Variants in UBA6 observed in about 807,000 individuals in gnomAD.
UBA6 encodes ubiquitin-like modifier-activating enzyme 6.
Under a neutral mutation model 148.3 loss-of-function variants are expected in UBA6, and 87 were observed. The observed-to-expected ratio is 0.59, with a 90% CI of 0.49 to 0.70. UBA6 has a LOEUF of 0.70. Ranked by LOEUF, UBA6 falls within the 30% of genes least tolerant of loss-of-function variation. The pLI, the probability that UBA6 is intolerant of heterozygous loss-of-function variation, is 0.00. For missense variants in UBA6, 1,186 were observed against 1,241.2 expected (o/e 0.96, Z 0.67); for synonymous variants, 376 against 401.0 (o/e 0.94, Z 0.75).
At position 67,678,433 on chromosome 4, in the gene UBA6, C is replaced by G; in HGVS notation, c.353+6G>C. The G allele has an allele frequency of 6.5e-7, 1 of 1,545,546 alleles. No homozygotes were observed. ...AACTCATGATAATACATCAAAATAT[C>G]TTTACCTGTTTCTCTTATTAACAAC... On this transcript the variant is annotated splice_donor_region_variant and intron_variant, in intron 5 of 32. Coordinates refer to ENST00000322244, the MANE Select transcript of UBA6 (RefSeq NM_018227.6).
chr4:67,686,994 A>G (rs1381255331), intron 2 of UBA6, among the ~76,000 whole-genome samples: 1 of 146,096 alleles, frequency 6.8e-6, no homozygotes, highest in Non-Finnish European at 1.5e-5. Flanking sequence ...AAAAAAATCA[A>G]AAACAACCTA....
rs185667471 is a variant in UBA6 at position 67,668,545 on chromosome 4, A to T, written c.793+6T>A. 1.1e-5 allele frequency: 18 copies of T among 1,607,630 alleles called. No homozygotes were observed. Among genetic ancestry groups the T allele is most frequent in the Non-Finnish European group, 1.4e-5 (17 of 1,176,236 alleles). On this transcript the variant is annotated splice_donor_region_variant and intron_variant, in intron 9 of 32. Transcript: ENST00000322244. ...ATAAATGAATTAATAAAACACATTG[A>T]CTTACCCGTTATTTGTTGTATAGAT...
At chr4:67,675,244 T>C (rs1376223335) in intron 6 of UBA6, among the ~76,000 whole-genome samples, 1 of 152,242 alleles carries the variant, frequency 6.6e-6, no homozygotes, top group African/African-American at 2.4e-5. Context: ...GTTTAATCTA[T>C]CCACTGAATT....
At chr4:67,675,010 C>T (rs574221805) in intron 6 of UBA6, among the ~76,000 whole-genome samples, 8 of 152,194 alleles carry the variant, frequency 5.3e-5, no homozygotes, top group Non-Finnish European at 1.2e-4. Flanking sequence ...GCTGGGATTA[C>T]AGGCACATGC....
chr4:67,626,007 C>T (rs895681059), intron 28 of UBA6, among the ~76,000 whole-genome samples: 5 of 151,776 alleles, frequency 3.3e-5, no homozygotes. Flanking sequence ...GATTAGTTTC[C>T]ACAAGGACCC....
intron 32 of UBA6, among the ~76,000 whole-genome samples, chr4:67,622,495 A>C (rs1262528710): frequency 6.6e-6 from 1 of 152,240 alleles, no homozygotes; most frequent in Non-Finnish European, 1.5e-5. Context: ...CTGGCACCTT[A>C]AACAATAATT....
intron 29 of UBA6, 85 bp downstream of exon 29, chr4:67,624,909 C>G (rs1270325776): frequency 2.7e-6 from 3 of 1,128,624 alleles, no homozygotes; most frequent in East Asian, 4.8e-5. Context: ...TCTAACATCT[C>G]TGAGTGACTG....
intron 2 of UBA6, among the ~76,000 whole-genome samples, chr4:67,694,538 C>T (rs1371447484): frequency 6.8e-6 from 1 of 146,558 alleles, no homozygotes; most frequent in South Asian, 2.1e-4. Context: ...ATTACAGGCG[C>T]CCGCCACCGC....
chr4:67,635,365 G>A (rs916088289), intron 20 of UBA6, 88 bp downstream of exon 20: 1 of 786,280 alleles, frequency 1.3e-6, no homozygotes, highest in South Asian at 1.7e-5. Flanking sequence ...AAATCAGAAG[G>A]ATTAGGAAAG....
intron 27 of UBA6, among the ~76,000 whole-genome samples, chr4:67,627,645 T>G (rs1181487276): frequency 6.6e-6 from 1 of 151,896 alleles, no homozygotes; most frequent in Non-Finnish European, 1.5e-5. Flanking sequence ...ATAAACATTG[T>G]GTTCTGCAAA....
chr4:67,637,549 AAAG>A (rs1577799015), intron 19 of UBA6, among the ~76,000 whole-genome samples: 1 of 152,206 alleles, frequency 6.6e-6, no homozygotes, highest in Non-Finnish European at 1.5e-5. Context: ...GTCTGTGTAG[AAAG>A]AAGTAGACAT....
chr4:67,625,643 A>T (rs970285245), intron 28 of UBA6, among the ~76,000 whole-genome samples: 6 of 151,946 alleles, frequency 3.9e-5, no homozygotes, highest in African/African-American at 1.4e-4. Context: ...TAATTTCTGA[A>T]ATCTTTGTAG....
chr4:67,673,060 T>C (rs956007913), intron 7 of UBA6, among the ~76,000 whole-genome samples: 3 of 152,306 alleles, frequency 2.0e-5, no homozygotes, highest in South Asian at 2.1e-4. Context: ...CTCTATTCAC[T>C]AATGTATTTC....
intron 13 of UBA6, 84 bp downstream of exon 13, chr4:67,662,105 G>A (rs1729872604): frequency 3.0e-6 from 4 of 1,327,360 alleles, no homozygotes; most frequent in Non-Finnish European, 4.3e-6. Flanking sequence ...AAAGCTGGAT[G>A]TGAAGGATAA....
chr4:67,692,076 T>C (rs1401766327), intron 2 of UBA6, among the ~76,000 whole-genome samples: 2 of 152,272 alleles, frequency 1.3e-5, no homozygotes, highest in South Asian at 4.1e-4. Flanking sequence ...CTTAAGTTCT[T>C]TAGTGGTGAT....
chr4:67,656,006 A>G (rs2109926629), intron 13 of UBA6, among the ~76,000 whole-genome samples: 1 of 152,364 alleles, frequency 6.6e-6, no homozygotes, highest in Non-Finnish European at 1.5e-5. Flanking sequence ...TGAATCTCTG[A>G]ATAGAACAAT....
rs1466146273 is a variant in UBA6 at position 67,665,256 on chromosome 4, G to A, written c.830C>T (p.Thr277Ile). Residue 277 changes from threonine to isoleucine, a missense_variant, in exon 10 of 33, where the codon ACA becomes ATA. Coordinates refer to ENST00000322244, the MANE Select transcript of UBA6 (RefSeq NM_018227.6). The part of the protein sequence containing the change: ...SPFSFSIGDT[T>I]ELEPYLHGGI... ...TCCATGTAAATATGGTTCCAGTTCT[G>A]TGGTGTCACCAATACTAAAAGAAAA... 5.0e-6 allele frequency: 8 copies of A among 1,605,838 alleles called. No homozygotes were observed. Among genetic ancestry groups the A allele is most frequent in the South Asian group, 2.3e-5 (2 of 88,380 alleles).
intron 6 of UBA6, 41 bp downstream of exon 6, chr4:67,677,570 G>A: frequency 2.8e-6 from 3 of 1,075,538 alleles, no homozygotes; most frequent in South Asian, 1.5e-5. Flanking sequence ...ATTTTGCCCT[G>A]GAACCTGTCA....
chr4:67,662,984 G>C, intron 12 of UBA6, 155 bp downstream of exon 12: 1 of 463,090 alleles, frequency 2.2e-6, no homozygotes, highest in Non-Finnish European at 3.8e-6. Flanking sequence ...ACTCCCACCA[G>C]GAAAAGGACC....
Sources: gnomAD v4.1 joint callset for allele counts (sites outside exome capture counted in the v4.1 genomes callset) on GRCh38, gnomAD v4.1.1 for gene constraint, MANE v1.5 for transcripts, NCBI Gene and HGNC (gene_info 2026-07-23, HGNC 2026-07-21) for gene names.